CHRNA7: variants seen among roughly 807,000 people sequenced by gnomAD.
The protein encoded by CHRNA7 is neuronal acetylcholine receptor subunit alpha-7.
Under a neutral mutation model 48.0 loss-of-function variants are expected in CHRNA7, and 17 were observed. That is an observed-to-expected ratio of 0.35 (90% CI 0.24 to 0.53). The LOEUF is 0.53. CHRNA7 is among the 20% of genes least tolerant of loss of function. The pLI is 0.92. For synonymous variants in CHRNA7, 75 were observed against 242.3 expected (o/e 0.31, Z 6.41); for missense variants, 155 against 577.7 (o/e 0.27, Z 7.50).
rs2051561111 is a variant in CHRNA7 at position 32,149,122 on chromosome 15, A to G, written c.351-4785A>G. ...AAAGGCAGCTCCTGCAAGGACGGAG[A>G]GGCCACAGGCCGGCATCTTCACAAA... On this transcript the variant is annotated intron_variant, in intron 4 of 9. Coordinates refer to ENST00000306901, the MANE Select transcript of CHRNA7 (RefSeq NM_000746.6). This position sits in a 1 kb window ranked among gnomAD's most constrained non-coding sequence, Gnocchi z 4.6. Among the ~76,000 whole-genome samples, 1 of 152,232 alleles carries G rather than the reference A, an allele frequency of 6.6e-6. No individual in the cohort carries two copies. The highest frequency in any genetic ancestry group is 1.5e-5 in the Non-Finnish European group (1 of 68,038).
At chr15:32,030,486 T>C, upstream of CHRNA7, 1 of 1,167,466 alleles carries the variant, frequency 8.6e-7, no homozygotes, top group Non-Finnish European at 1.1e-6. Flanking sequence ...GCCCGGCTCC[T>C]TAAAGGCGCG....
Position 32,168,604 on chromosome 15 carries a change from CTT to C in CHRNA7, c.*148_*149del. On this transcript the variant is annotated 3_prime_UTR_variant, in exon 10 of 10. Coordinates refer to ENST00000306901, the MANE Select transcript of CHRNA7 (RefSeq NM_000746.6). ...CTGTCAGTCGTGTTGCTTACGGTTT[CTT>C]TGTTACTTTAGGTAGTAGAATCTCA... The C allele has an allele frequency of 3.4e-6, 1 of 291,026 alleles. No individual in the cohort carries two copies. Among genetic ancestry groups the C allele is most frequent in the South Asian group, 2.5e-5 (1 of 39,990 alleles). 18.0% of individuals were successfully genotyped at this position (291,026 alleles called of 1,614,324 possible).
chr15:32,126,682 A>T (rs577353400), intron 4 of CHRNA7, among the ~76,000 whole-genome samples: 2 of 152,310 alleles, frequency 1.3e-5, no homozygotes, highest in East Asian at 3.9e-4. Context: ...TAATAGTGAC[A>T]TAATTCATAG....
rs34200550 is a variant in CHRNA7 at position 32,059,944 on chromosome 15, C to CAAAAAAAAAAAAAAAAA, written c.195+28921_195+28937dup. Among the ~76,000 whole-genome samples the CAAAAAAAAAAAAAAAAA allele has an allele frequency of 5.7e-4, 19 of 33,052 alleles. 1 individual carries two copies. Among genetic ancestry groups the CAAAAAAAAAAAAAAAAA allele is most frequent in the Non-Finnish European group, 6.9e-4 (14 of 20,302 alleles). 21.7% of individuals were successfully genotyped at this position (33,052 alleles called of 152,430 possible). On this transcript the variant is annotated intron_variant, in intron 2 of 9. Coordinates refer to ENST00000306901, the MANE Select transcript of CHRNA7 (RefSeq NM_000746.6). The stretch of plus-strand genomic sequence containing the variant: ...ATCTCTGAAACGCCAAGTAGAAAAG[C>CAAAAAAAAAAAAAAAAA]AAAAAAAAAAAAAAAAAAAAAAAAA...
chr15:32,109,657 G>A (rs556009577), intron 3 of CHRNA7, among the ~76,000 whole-genome samples: 1 of 152,308 alleles, frequency 6.6e-6, no homozygotes, highest in African/African-American at 2.4e-5. Context: ...AAATAACACA[G>A]GTAAGCCCTG....
intron 4 of CHRNA7, among the ~76,000 whole-genome samples, chr15:32,124,946 G>T (rs997668790): frequency 2.0e-5 from 3 of 152,198 alleles, no homozygotes; most frequent in African/African-American, 7.2e-5. Flanking sequence ...AGATCCGTGG[G>T]TGCTTTGATC....
At chr15:32,084,908 C>T (rs745848066) in intron 2 of CHRNA7, among the ~76,000 whole-genome samples, 26 of 151,860 alleles carry the variant, frequency 1.7e-4, no homozygotes, top group East Asian at 1.4e-3. Flanking sequence ...TCACAGCTCA[C>T]TGCAACCTCC....
At chr15:32,098,420 T>G (rs1371730510) in intron 2 of CHRNA7, among the ~76,000 whole-genome samples, 1 of 152,048 alleles carries the variant, frequency 6.6e-6, no homozygotes, top group Admixed American at 6.6e-5. Flanking sequence ...CCTGCAGACC[T>G]ATTGCTGCCA....
chr15:32,123,964 C>CAAAAA (rs57791060), intron 4 of CHRNA7, among the ~76,000 whole-genome samples: 2 of 47,144 alleles, frequency 4.2e-5, no homozygotes, highest in East Asian at 5.3e-4. Context: ...AAAATCTGGC[C>CAAAAA]AAAAAAAAAA....
At chr15:32,091,679 C>G (rs775680122) in intron 2 of CHRNA7, among the ~76,000 whole-genome samples, 1 of 152,140 alleles carries the variant, frequency 6.6e-6, no homozygotes. Context: ...TCTCCACCTA[C>G]GAAAGAGAAT....
At chr15:32,118,102 A>G (rs1489220181) in intron 4 of CHRNA7, among the ~76,000 whole-genome samples, 2 of 152,114 alleles carry the variant, frequency 1.3e-5, no homozygotes, top group Non-Finnish European at 2.9e-5. Flanking sequence ...GATCAATAGG[A>G]TATCATGGGA....
At chr15:32,107,841 C>T (rs1282164332) in intron 3 of CHRNA7, among the ~76,000 whole-genome samples, 6 of 152,066 alleles carry the variant, frequency 3.9e-5, no homozygotes, top group Admixed American at 3.3e-4. Flanking sequence ...AGGTGACCAG[C>T]CCCCATGAAA....
At chr15:32,143,366 G>A (rs1177175205) in intron 4 of CHRNA7, among the ~76,000 whole-genome samples, 2 of 152,208 alleles carry the variant, frequency 1.3e-5, no homozygotes, top group Non-Finnish European at 2.9e-5. Flanking sequence ...TAGAATAAGT[G>A]CAATGTGGTG....
At chr15:32,104,836 G>A (rs2050635764) in intron 3 of CHRNA7, among the ~76,000 whole-genome samples, 1 of 152,168 alleles carries the variant, frequency 6.6e-6, no homozygotes, top group Non-Finnish European at 1.5e-5. Context: ...AAAGTTGGAC[G>A]TTTGCCATGC....
chr15:32,159,125 T>C (rs574585744), intron 7 of CHRNA7: 1 of 162,752 alleles, frequency 6.1e-6, no homozygotes, highest in East Asian at 1.9e-4. Flanking sequence ...CCCAAACCCA[T>C]ATCTTCTGAG....
At chr15:32,116,956 G>C (rs1422453120) in intron 4 of CHRNA7, among the ~76,000 whole-genome samples, 1 of 152,154 alleles carries the variant, frequency 6.6e-6, no homozygotes, top group Non-Finnish European at 1.5e-5. Context: ...CTGGAGAGGG[G>C]ACCTCTATGC....
intron 3 of CHRNA7, among the ~76,000 whole-genome samples, chr15:32,104,793 C>T (rs185443241): frequency 9.2e-5 from 14 of 152,260 alleles, no homozygotes; most frequent in Admixed American, 3.9e-4. Context: ...GGCCAGGCTC[C>T]GGAGAATGAG....
chr15:32,119,807 G>A (rs535464434), intron 4 of CHRNA7, among the ~76,000 whole-genome samples: 2 of 152,240 alleles, frequency 1.3e-5, no homozygotes, highest in African/African-American at 4.8e-5. Context: ...CAAGAGGAAG[G>A]GAGGAAGGGC....
chr15:32,119,329 A>G (rs1276081026), intron 4 of CHRNA7, among the ~76,000 whole-genome samples: 2 of 152,232 alleles, frequency 1.3e-5, no homozygotes, highest in Non-Finnish European at 2.9e-5. Context: ...TTAATGACTT[A>G]AGTAGTCTTT....
Sources: allele counts gnomAD v4.1 joint callset (sites outside exome capture counted in the v4.1 genomes callset), GRCh38; gene constraint gnomAD v4.1.1; non-coding constraint Gnocchi (gnomAD v3.1); transcripts MANE v1.5; gene names NCBI Gene and HGNC (gene_info 2026-07-23, HGNC 2026-07-21).